The following ATP2B1 variants were observed in gnomAD, a reference collection of about 807,000 sequenced individuals.
ATP2B1 encodes ATPase plasma membrane Ca2+ transporting 1.
A neutral mutation model predicts 124.2 loss-of-function variants in ATP2B1; 14 were observed. The observed-to-expected ratio is 0.11, with a 90% CI of 0.07 to 0.18. ATP2B1 has a LOEUF of 0.18. ATP2B1 is among the 10% of genes least tolerant of loss of function. The pLI, the probability that ATP2B1 is intolerant of heterozygous loss-of-function variation, is 1.00. For missense variants in ATP2B1, 763 were observed against 1,466.1 expected (o/e 0.52, Z 7.83); for synonymous variants, 449 against 492.4 (o/e 0.91, Z 1.17).
chr12:89,590,123 A>G lies in ATP2B1; in HGVS notation c.*861T>C, dbSNP rs1459985035. On this transcript the variant is annotated 3_prime_UTR_variant, in exon 21 of 21. Transcript: ENST00000428670. ...TGTAGTTGATGTCCTGCATTAAACAATCTACTAAATTCTGAACAAAAGGTT... is the reference window on the plus strand; with the variant it reads ...TGTAGTTGATGTCCTGCATTAAACAGTCTACTAAATTCTGAACAAAAGGTT... 2.0e-5 allele frequency: 3 copies of G among 152,584 alleles called. No homozygotes were observed. Among genetic ancestry groups the G allele is most frequent in the South Asian group, 2.1e-4 (1 of 4,832 alleles). The allele number at this position is 152,584 out of a possible 1,614,324, so 9.5% of individuals were successfully genotyped here.
chr12:89,610,682 G>A (rs1257880751), intron 13 of ATP2B1, 174 bp from the exon 14 acceptor site: 9 of 581,926 alleles, frequency 1.5e-5, no homozygotes, highest in South Asian at 6.6e-5. Context: ...CTATCTTAGC[G>A]AATACTGTGG....
chr12:89,618,183 C>T (rs1264600445), intron 11 of ATP2B1, among the ~76,000 whole-genome samples: 1 of 151,952 alleles, frequency 6.6e-6, no homozygotes. Context: ...GAAAAAAATA[C>T]CTCATTTGCA....
At chr12:89,663,407 A>T (rs1455628901) in intron 1 of ATP2B1, among the ~76,000 whole-genome samples, 1 of 152,224 alleles carries the variant, frequency 6.6e-6, no homozygotes, top group African/African-American at 2.4e-5. Flanking sequence ...AATAATACTG[A>T]ATTATAATAT....
chr12:89,630,135 A>T lies in ATP2B1; in HGVS notation c.928+370T>A, dbSNP rs185636196. Among the ~76,000 whole-genome samples the T allele has an allele frequency of 3.3e-5, 5 of 152,390 alleles. No homozygotes were observed. The East Asian group carries it at 9.6e-4, about 29-fold the overall frequency. On this transcript the variant is annotated intron_variant, in intron 6 of 20. Transcript: ENST00000428670. Reference sequence around the variant, plus strand: ...GTATAGTAGAATAGAAATGTGAAGAAGATTAAAAGAAAGCTCAGTGAAACC... The same window carrying T: ...GTATAGTAGAATAGAAATGTGAAGATGATTAAAAGAAAGCTCAGTGAAACC...
chr12:89,604,862 CT>C (rs781703824), intron 15 of ATP2B1, among the ~76,000 whole-genome samples: 1 of 143,478 alleles, frequency 7.0e-6, no homozygotes, highest in Admixed American at 7.0e-5. Context: ...CAGAACCCCC[CT>C]GTCAGCTCCA....
intron 1 of ATP2B1, among the ~76,000 whole-genome samples, chr12:89,680,053 A>C (rs1203015013): frequency 6.6e-6 from 1 of 152,156 alleles, no homozygotes; most frequent in Non-Finnish European, 1.5e-5. Context: ...GATGTACTTC[A>C]CTATTTTGAC....
chr12:89,685,522 C>A (rs1889863343), intron 1 of ATP2B1, among the ~76,000 whole-genome samples: 1 of 152,074 alleles, frequency 6.6e-6, no homozygotes, highest in South Asian at 2.1e-4. Flanking sequence ...GCAGTATCAG[C>A]ATCACCATGG....
intron 2 of ATP2B1, among the ~76,000 whole-genome samples, chr12:89,652,900 C>T (rs1389074034): frequency 6.6e-6 from 1 of 152,072 alleles, no homozygotes; most frequent in Non-Finnish European, 1.5e-5. Context: ...AGTGGTTAAT[C>T]TTTTTATTTG....
chr12:89,677,313 T>C (rs905560905), intron 1 of ATP2B1, among the ~76,000 whole-genome samples: 1 of 152,150 alleles, frequency 6.6e-6, no homozygotes, highest in African/African-American at 2.4e-5. Flanking sequence ...TTCAATTGTA[T>C]GCTGGGAAGC....
At chr12:89,643,644 C>T (rs1883998993) in intron 2 of ATP2B1, among the ~76,000 whole-genome samples, 1 of 152,228 alleles carries the variant, frequency 6.6e-6, no homozygotes, top group African/African-American at 2.4e-5. Context: ...GCCATTCCTT[C>T]ACCCTACCAA....
chr12:89,659,509 A>G (rs1044244538), intron 1 of ATP2B1, among the ~76,000 whole-genome samples: 17 of 152,210 alleles, frequency 1.1e-4, no homozygotes, highest in South Asian at 4.1e-4. Context: ...TTAGAAAAAG[A>G]CAAAAGGATG....
intron 1 of ATP2B1, among the ~76,000 whole-genome samples, chr12:89,692,987 T>C (rs889206488): frequency 6.6e-6 from 1 of 152,228 alleles, no homozygotes; most frequent in African/African-American, 2.4e-5. Flanking sequence ...ACACTGAGGA[T>C]GTACTGTATG....
Position 89,599,180 on chromosome 12 carries a change from A to C in ATP2B1, c.3288T>G (p.Ala1096=). The change falls in exon 20 of 21, where the codon GCT becomes GCG. Residue 1096 remains alanine, a synonymous_variant. Coordinates refer to ENST00000428670, the MANE Select transcript of ATP2B1 (RefSeq NM_001366521.1). ...LAEDVEEIDH[A]ERELRRGQIL... ...TTTGGCCACGCCGCAACTCCCTTTCAGCGTGATCAATCTCTTCAACATCCT... is the reference window on the plus strand; with the variant it reads ...TTTGGCCACGCCGCAACTCCCTTTCCGCGTGATCAATCTCTTCAACATCCT... 1.2e-6 allele frequency: 2 copies of C among 1,614,186 alleles called. No individual in the cohort carries two copies. Among genetic ancestry groups the C allele is most frequent in the Non-Finnish European group, 1.7e-6 (2 of 1,180,028 alleles).
At chr12:89,686,578 T>C (rs544458272) in intron 1 of ATP2B1, among the ~76,000 whole-genome samples, 31 of 152,270 alleles carry the variant, frequency 2.0e-4, no homozygotes, top group African/African-American at 6.7e-4. Flanking sequence ...TGTTTTACAG[T>C]GAGTATACTC....
At chr12:89,595,682 T>C (rs1004967652) in intron 20 of ATP2B1, among the ~76,000 whole-genome samples, 1 of 152,122 alleles carries the variant, frequency 6.6e-6, no homozygotes, top group Non-Finnish European at 1.5e-5. Flanking sequence ...CATAGTTCTA[T>C]ATTTTGGCTG....
At chr12:89,591,412 AATG>A in intron 20 of ATP2B1, 117 bp from the exon 21 acceptor site, 1 of 854,262 alleles carries the variant, frequency 1.2e-6, no homozygotes, top group African/African-American at 1.7e-5. Context: ...ATTTGCATGT[AATG>A]CAGTGGAACT....
chr12:89,616,807 G>T lies in ATP2B1; in HGVS notation c.2062C>A (p.Pro688Thr), dbSNP rs145288143. 22 of 1,612,572 alleles carry T rather than the reference G, an allele frequency of 1.4e-5. No individual in the cohort carries two copies. Among genetic ancestry groups the T allele is most frequent in the Non-Finnish European group, 1.7e-5 (20 of 1,178,822 alleles). ...AVVGIEDPVR[P>T]EVPDAIKKCQ... ...AACACAGAATGTTTCACCACCTCAGGTCTCACAGGATCTTCAATCCCCACA... is the reference window on the plus strand; with the variant it reads ...AACACAGAATGTTTCACCACCTCAGTTCTCACAGGATCTTCAATCCCCACA... Residue 688 changes from proline (P) to threonine (T), a missense_variant, in exon 12 of 21, where the codon CCT becomes ACT. Physicochemically the swap from Pro to Thr is conservative, Grantham distance 38. Transcript: ENST00000428670.
intron 3 of ATP2B1, among the ~76,000 whole-genome samples, chr12:89,638,154 A>G (rs989132179): frequency 1.3e-5 from 2 of 152,230 alleles, no homozygotes; most frequent in Non-Finnish European, 2.9e-5. Context: ...ATATATGTAT[A>G]AATATATAAA....
intron 2 of ATP2B1, 122 bp from the exon 3 acceptor site, chr12:89,642,477 T>G: frequency 1.1e-6 from 1 of 939,994 alleles, no homozygotes; most frequent in Non-Finnish European, 1.6e-6. Context: ...CTTTCATGCT[T>G]TAAGTGTACA....
Sources: allele counts gnomAD v4.1 joint callset (sites outside exome capture counted in the v4.1 genomes callset), GRCh38; gene constraint gnomAD v4.1.1; transcripts MANE v1.5; gene names NCBI Gene and HGNC (gene_info 2026-07-23, HGNC 2026-07-21).